The following LINGO2 variants were observed in gnomAD, a reference collection of about 807,000 sequenced individuals.
The protein encoded by LINGO2 is leucine-rich repeat and immunoglobulin-like domain-containing nogo receptor-interacting protein 2.
A neutral mutation model predicts 30.6 loss-of-function variants in LINGO2; 14 were observed. The observed-to-expected ratio is 0.46, with a 90% confidence interval of 0.30 to 0.72. LINGO2 has a LOEUF of 0.72. Among genes scored for constraint, LINGO2 ranks in the 30% least tolerant of loss-of-function variants. The probability of loss-of-function intolerance (pLI) is 0.07; values close to 1 mark genes in which losing one functional copy is unlikely to be tolerated. For missense variants in LINGO2, 729 were observed against 751.7 expected (o/e 0.97, Z 0.35); for synonymous variants, 317 against 288.5 (o/e 1.10, Z -1.00).
intron 3 of LINGO2, among the ~76,000 whole-genome samples, chr9:28,340,161 G>A (rs944011169): frequency 2.6e-5 from 4 of 152,146 alleles, no homozygotes; most frequent in Non-Finnish European, 5.9e-5. Flanking sequence ...TCTGACACTA[G>A]TTCTGTGACC....
chr9:28,535,509 T>G (rs1393902264), intron 1 of LINGO2, among the ~76,000 whole-genome samples: 1 of 152,160 alleles, frequency 6.6e-6, no homozygotes, highest in African/African-American at 2.4e-5. Flanking sequence ...TGCCATGATT[T>G]TCTTAAAAAT....
intron 4 of LINGO2, among the ~76,000 whole-genome samples, chr9:28,284,619 C>T (rs546313331): frequency 3.9e-5 from 6 of 152,120 alleles, no homozygotes; most frequent in East Asian, 1.9e-4. Flanking sequence ...ATTATAGATA[C>T]GGCTAGATTA....
At chr9:28,888,474 T>A in the LINGO2 span, among the ~76,000 whole-genome samples, 1 of 152,120 alleles carries the variant, frequency 6.6e-6, no homozygotes, top group Admixed American at 6.6e-5. Context: ...ATACTTAAAC[T>A]CCTGATTAGA....
the LINGO2 span, among the ~76,000 whole-genome samples, chr9:29,125,778 T>TA: frequency 6.6e-6 from 1 of 152,152 alleles, no homozygotes. Context: ...TTAGGACATG[T>TA]AATGCGTACA....
At chr9:28,987,657 T>A in the LINGO2 span, among the ~76,000 whole-genome samples, 1 of 152,254 alleles carries the variant, frequency 6.6e-6, no homozygotes, top group East Asian at 1.9e-4. Context: ...TCCCTCTTCT[T>A]TTGTAATATA....
the LINGO2 span, among the ~76,000 whole-genome samples, chr9:28,950,835 A>G: frequency 6.6e-6 from 1 of 152,200 alleles, no homozygotes; most frequent in Non-Finnish European, 1.5e-5. Context: ...GAAGTAATTT[A>G]TAGATTCACA....
At chr9:27,972,311 T>C (rs1207773545) in intron 5 of LINGO2, among the ~76,000 whole-genome samples, 3 of 152,168 alleles carry the variant, frequency 2.0e-5, no homozygotes, top group East Asian at 1.9e-4. Flanking sequence ...GAGTGAAAAA[T>C]AGATGTTAAT....
intron 3 of LINGO2, among the ~76,000 whole-genome samples, chr9:28,295,779 A>G (rs1811000972): frequency 6.6e-6 from 1 of 152,208 alleles, no homozygotes; most frequent in Non-Finnish European, 1.5e-5. Context: ...ATGAGCAGTT[A>G]GAGCGAAATC....
chr9:28,404,782 G>C lies in LINGO2; in HGVS notation c.-278-31914C>G, dbSNP rs142565743. Among the ~76,000 whole-genome samples, 344 of 152,218 alleles carry C rather than the reference G, an allele frequency of 2.3e-3. 1 individual carries two copies. The highest frequency in any genetic ancestry group is 6.3e-3 in the African/African-American group (260 of 41,540). On this transcript the variant is annotated intron_variant, in intron 2 of 5. Coordinates refer to ENST00000379992, the Ensembl canonical transcript of LINGO2. ...AATCATTTTTTGCCACTGTAGGTAT[G>C]GCAAGGCTGAATAATTTCATCCATA...
At chr9:28,356,398 G>C (rs920613937) in intron 3 of LINGO2, among the ~76,000 whole-genome samples, 3 of 152,050 alleles carry the variant, frequency 2.0e-5, no homozygotes, top group African/African-American at 7.2e-5. Flanking sequence ...TCACTTATTA[G>C]ATATTGTTCT....
chr9:28,785,706 A>G, the LINGO2 span, among the ~76,000 whole-genome samples: 1 of 124,586 alleles, frequency 8.0e-6, no homozygotes, highest in East Asian at 2.5e-4. Flanking sequence ...ACACACACAC[A>G]TGCACACACA....
At chr9:29,125,447 A>G in the LINGO2 span, among the ~76,000 whole-genome samples, 46 of 152,246 alleles carry the variant, frequency 3.0e-4, no homozygotes, top group East Asian at 8.7e-3. Flanking sequence ...ATATATATAC[A>G]TAGTTTAATA....
the LINGO2 span, among the ~76,000 whole-genome samples, chr9:28,954,654 C>T: frequency 1.3e-5 from 2 of 152,096 alleles, no homozygotes; most frequent in Non-Finnish European, 2.9e-5. Context: ...TTAGTCTTAA[C>T]TTAAAAATAG....
the LINGO2 span, among the ~76,000 whole-genome samples, chr9:29,196,215 C>G: frequency 6.6e-6 from 1 of 152,046 alleles, no homozygotes; most frequent in South Asian, 2.1e-4. Context: ...CTTACATATG[C>G]TTCCTATCCA....
At chr9:29,121,761 G>A in the LINGO2 span, among the ~76,000 whole-genome samples, 2 of 152,018 alleles carry the variant, frequency 1.3e-5, no homozygotes, top group Non-Finnish European at 2.9e-5. Context: ...TTTCACTCCA[G>A]CTTCCCTTCT....
At chr9:29,024,844 A>G in the LINGO2 span, among the ~76,000 whole-genome samples, 34,163 of 152,068 alleles carry the variant, frequency 0.22, 4,068 homozygotes, top group Admixed American at 0.25. Flanking sequence ...GTGTGTTTCA[A>G]TCTGGAATAC....
intron 4 of LINGO2, among the ~76,000 whole-genome samples, chr9:28,069,732 A>G (rs1825417448): frequency 6.6e-6 from 1 of 152,152 alleles, no homozygotes; most frequent in South Asian, 2.1e-4. Context: ...GTGCCCAGCG[A>G]GCCTGATGTT....
the LINGO2 span, among the ~76,000 whole-genome samples, chr9:29,111,695 T>C: frequency 6.6e-6 from 1 of 151,614 alleles, no homozygotes. Flanking sequence ...TCAAATATTC[T>C]ACCTATGCAG....
chr9:28,212,481 T>G (rs530872898), intron 4 of LINGO2, among the ~76,000 whole-genome samples: 2 of 151,524 alleles, frequency 1.3e-5, no homozygotes, highest in South Asian at 4.2e-4. Context: ...TTCATTCTGT[T>G]CATGTACGAT....
Sources: allele counts gnomAD v4.1 joint callset (sites outside exome capture counted in the v4.1 genomes callset), GRCh38; gene constraint gnomAD v4.1.1; transcripts MANE v1.5; gene names NCBI Gene and HGNC (gene_info 2026-07-23, HGNC 2026-07-21).